The following IGFALS variants were observed in gnomAD, a reference collection of about 807,000 sequenced individuals.
IGFALS encodes the protein insulin-like growth factor-binding protein complex acid labile subunit.
Under a neutral mutation model 2.6 loss-of-function variants are expected in IGFALS, and 2 were observed. The observed-to-expected ratio is 0.77, with a 90% CI of 0.32 to 2.44. The LOEUF is 2.44. Ranked by LOEUF, IGFALS falls within the 30% of genes most tolerant of loss-of-function variation. IGFALS has a pLI of 0.11. For missense variants in IGFALS, 996 were observed against 848.7 expected (o/e 1.17, Z -2.16); for synonymous variants, 519 against 431.9 (o/e 1.20, Z -2.50).
chr16:1,794,214 C>T (rs1018194343), upstream of IGFALS, among the ~76,000 whole-genome samples: 1 of 152,126 alleles, frequency 6.6e-6, no homozygotes, highest in Non-Finnish European at 1.5e-5. Flanking sequence ...TGGGAGCTGC[C>T]GTTTGGGCTT....
intron 1 of IGFALS, chr16:1,792,656 A>C: frequency 2.0e-6 from 1 of 507,856 alleles, no homozygotes; most frequent in Non-Finnish European, 3.1e-6. Flanking sequence ...AGCTGTGCGC[A>C]GGCCACGTGG....
intron 1 of IGFALS, among the ~76,000 whole-genome samples, chr16:1,793,234 G>C (rs746249825): frequency 1.3e-5 from 2 of 152,194 alleles, no homozygotes; most frequent in Non-Finnish European, 2.9e-5. Flanking sequence ...CTCAGGCTTG[G>C]GGGTGGCCGA....
chr16:1,791,520 T>A lies in IGFALS; in HGVS notation c.898A>T (p.Asn300Tyr). ...CGGGGCCGCAGGCTGGCGATGGCGT[T>A]GTGGGACAGCCGCAGCACACGCAGG... The part of the protein sequence containing the change: ...LGLRVLRLSH[N>Y]AIASLRPRTF... Residue 300 changes from asparagine (N) to tyrosine (Y), a missense_variant, in exon 2 of 2, where the codon AAC becomes TAC. By Grantham distance (143) the Asn-to-Tyr change is moderately radical. Coordinates refer to ENST00000215539, the MANE Select transcript of IGFALS (RefSeq NM_004970.3). 3 of 1,600,680 alleles carry A rather than the reference T, an allele frequency of 1.9e-6. No individual in the cohort carries two copies. Among genetic ancestry groups the A allele is most frequent in the Non-Finnish European group, 2.6e-6 (3 of 1,174,702 alleles).
rs768473949 is a variant in IGFALS, at chr16:1,791,868, C to T, written c.550G>A (p.Val184Met). The T allele has an allele frequency of 8.3e-6, 13 of 1,559,158 alleles. No homozygotes were observed. Among genetic ancestry groups the T allele is most frequent in the Non-Finnish European group, 8.7e-6 (10 of 1,153,064 alleles). ...CCGCGGAACGCCGCATCGGGGAGCA[C>T]CGCCAGGCTATTCCAGCCGAGGTTG... ...DLNLGWNSLA[V>M]LPDAAFRGLG... is the part of the protein sequence containing the mutation. The change falls in exon 2 of 2, where the codon GTG (valine) becomes ATG (methionine). Residue 184 changes from valine (V) to methionine (M), a missense_variant. Coordinates refer to ENST00000215539, the MANE Select transcript of IGFALS (RefSeq NM_004970.3).
At position 1,791,061 on chromosome 16, in the gene IGFALS, G is replaced by C. The variant is rs149707428; in HGVS notation, c.1357C>G (p.Leu453Val). The change falls in exon 2 of 2, where the codon CTC becomes GTC. Residue 453 changes from leucine to valine, a missense_variant. Coordinates refer to ENST00000215539, the MANE Select transcript of IGFALS (RefSeq NM_004970.3). ...SNQLTHLPHR[L>V]FQGLGKLEYL... ...TCCAGCTTGCCCAGGCCCTGGAAGA[G>C]GCGGTGGGGCAGGTGCGTGAGCTGG... 1.3e-3 allele frequency: 2,073 copies of C among 1,598,488 alleles called. 1 individual carries two copies. The highest frequency in any genetic ancestry group is 1.7e-3 in the Non-Finnish European group (1,950 of 1,179,694).
chr16:1,793,552 G>C lies in IGFALS; in HGVS notation c.16+85C>G, dbSNP rs1197653151. The C allele has an allele frequency of 2.2e-6, 3 of 1,370,420 alleles. 1 individual carries two copies. The highest frequency in any genetic ancestry group is 4.1e-5 in the Admixed American group (2 of 49,308). The allele number at this position is 1,370,420 out of a possible 1,614,324, so 84.9% of individuals were successfully genotyped here. A position where few individuals can be genotyped will look rare whatever the true frequency, so the allele number is the denominator to read the frequency against. On this transcript the variant is annotated intron_variant, in intron 1 of 1. Transcript: ENST00000215539. ...GCTGAGCCCCCCAGAGCTTCCTTGG[G>C]GGCTACCCCGGCCTCTCCCCAGCGG...
In IGFALS at chr16:1,792,183, G is replaced by C. The variant is rs556287164; in HGVS notation, c.235C>G (p.Leu79Val). ...PDGVPGGTQA[L>V]WLDGNNLSSV... is the part of the protein sequence containing the mutation. ...GAGAGGTTGTTGCCGTCCAGCCACA[G>C]GGCTTGGGTGCCGCCCGGGACTCCA... The change falls in exon 2 of 2, where the codon CTG (leucine) becomes GTG (valine). Residue 79 changes from leucine (L) to valine (V), a missense_variant. Physicochemically the swap from Leu to Val is conservative, Grantham distance 32. Transcript: ENST00000215539. The C allele has an allele frequency of 6.2e-7, 1 of 1,610,988 alleles. No homozygotes were observed. The highest frequency in any genetic ancestry group is 1.3e-5 in the African/African-American group (1 of 74,926).
At chr16:1,793,801 C>T (rs1368067901), upstream of IGFALS, 2 of 713,688 alleles carry the variant, frequency 2.8e-6, no homozygotes, top group South Asian at 2.0e-5. Context: ...TCTGTTAACC[C>T]CCTCGTGCCG....
upstream of IGFALS, among the ~76,000 whole-genome samples, chr16:1,794,380 G>A (rs1897291186): frequency 6.6e-6 from 1 of 152,194 alleles, no homozygotes; most frequent in African/African-American, 2.4e-5. Flanking sequence ...CCATCCTCGG[G>A]GAGTGTGTGG....
Position 1,791,249 on chromosome 16 carries a change from C to T in IGFALS, c.1169G>A (p.Ser390Asn). 1 of 1,608,740 alleles carries T rather than the reference C, an allele frequency of 6.2e-7. No homozygotes were observed. Among genetic ancestry groups the T allele is most frequent in the Non-Finnish European group, 8.5e-7 (1 of 1,179,840 alleles). ...QVFRGLGKLH[S>N]LHLEGSCLGR... ...CAGGCAGCTGCCCTCCAGGTGCAGG[C>T]TGTGCAGCTTGCCCAGGCCCCGGAA... Residue 390 changes from serine to asparagine, a missense_variant, in exon 2 of 2, where the codon AGC becomes AAC. Ser to Asn is a conservative substitution (Grantham distance 46, BLOSUM62 1). Transcript: ENST00000215539.
Position 1,791,634 on chromosome 16 carries a change from A to G in IGFALS, c.784T>C (p.Phe262Leu). The change falls in exon 2 of 2, where the codon TTC (phenylalanine) becomes CTC (leucine). Residue 262 changes from phenylalanine (F) to leucine (L), a missense_variant. Physicochemically the swap from Phe to Leu is conservative, Grantham distance 22. Coordinates refer to ENST00000215539, the MANE Select transcript of IGFALS (RefSeq NM_004970.3). ...CATCGCAGCGCCTTCAGGCCCAGGA[A>G]GGCGCCCGGGGCCACGGCAGCGATG... is the stretch of plus-strand genomic sequence containing the variant. Reference protein sequence around the residue: ...NLIAAVAPGAFLGLKALRWLD... With the variant: ...NLIAAVAPGALLGLKALRWLD... 6.3e-7 allele frequency: 1 copy of G among 1,576,370 alleles called. No individual in the cohort carries two copies. Among genetic ancestry groups the G allele is most frequent in the Non-Finnish European group, 8.6e-7 (1 of 1,163,322 alleles).
upstream of IGFALS, among the ~76,000 whole-genome samples, chr16:1,794,378 G>A (rs539098455): frequency 1.8e-4 from 27 of 152,280 alleles, no homozygotes; most frequent in African/African-American, 5.3e-4. Context: ...CGCCATCCTC[G>A]GGGAGTGTGT....
In IGFALS at chr16:1,790,823, C is replaced by T. The variant is rs755932415; in HGVS notation, c.1595G>A (p.Trp532Ter). Residue 532 changes from tryptophan to a stop codon, truncating the protein, a stop_gained, in exon 2 of 2, where the codon TGG becomes TAG. Transcript: ENST00000215539. LOFTEE classifies it low-confidence loss of function (END_TRUNC). Reference sequence around the variant, plus strand: ...ACAGTCCCAGGGGTTACCCTCCAGCCACAGGCGCTCCAGGCCCGGGGGCTG... The same window carrying T: ...ACAGTCCCAGGGGTTACCCTCCAGCTACAGGCGCTCCAGGCCCGGGGGCTG... ...TPQPPGLERL[W>*]LEGNPWDCGC... 1.9e-6 allele frequency: 3 copies of T among 1,569,230 alleles called. No homozygotes were observed. The Admixed American group carries it at 5.7e-5, about 30-fold the overall frequency.
In IGFALS at chr16:1,791,703, C is replaced by A. The variant is rs754359896; in HGVS notation, c.715G>T (p.Val239Leu). ...ALRAIKANVF[V>L]QLPRLQKLYL... ...AGTTTCTGGAGCCGGGGCAGCTGCA[C>A]GAACACGTTTGCCTTGATGGCCCGC... Residue 239 changes from valine (V) to leucine (L), a missense_variant, in exon 2 of 2, where the codon GTG becomes TTG. Val to Leu is a conservative substitution (Grantham distance 32). Transcript: ENST00000215539. The A allele has an allele frequency of 1.9e-6, 3 of 1,572,152 alleles. No homozygotes were observed. The highest frequency in any genetic ancestry group is 2.6e-6 in the Non-Finnish European group (3 of 1,163,496).
chr16:1,791,789 T>A lies in IGFALS; in HGVS notation c.629A>T (p.Gln210Leu). The A allele has an allele frequency of 1.3e-6, 2 of 1,548,940 alleles. No individual in the cohort carries two copies. The highest frequency in any genetic ancestry group is 8.7e-7 in the Non-Finnish European group (1 of 1,150,188). ...GGCCAGGCCGCTGAAGAGCGCGGGC[T>A]GCAGGTAGGCCAGCCTGTTGCCCGC... ...VLAGNRLAYL[Q>L]PALFSGLAEL... Residue 210 changes from glutamine (Q) to leucine (L), a missense_variant, in exon 2 of 2, where the codon CAG (glutamine) becomes CTG (leucine). Coordinates refer to ENST00000215539, the MANE Select transcript of IGFALS (RefSeq NM_004970.3).
upstream of IGFALS, chr16:1,793,753 G>T: frequency 8.0e-7 from 1 of 1,251,218 alleles, no homozygotes; most frequent in Non-Finnish European, 1.1e-6. Flanking sequence ...GGCAGCCCGC[G>T]CCTGTCACCT....
At chr16:1,793,746 A>G (rs1897282220), upstream of IGFALS, 2 of 1,317,280 alleles carry the variant, frequency 1.5e-6, no homozygotes, top group African/African-American at 3.0e-5. Flanking sequence ...ACTGCGGGGC[A>G]GCCCGCGCCT....
intron 1 of IGFALS, 123 bp from the exon 2 acceptor site, chr16:1,792,524 CGAA>C: frequency 7.0e-7 from 1 of 1,430,024 alleles, no homozygotes; most frequent in Non-Finnish European, 9.1e-7. Context: ...CGCTGAGATG[CGAA>C]GAAGCCGGTG....
At position 1,791,328 on chromosome 16, in the gene IGFALS, CGTTGGT is replaced by C; in HGVS notation, c.1084_1089del (p.Thr362_Asn363del). On this transcript the variant is annotated inframe_deletion, in exon 2 of 2. Transcript: ENST00000215539. ...TTCCCAGAGAGGTTCATGACCGCCA[CGTTGGT>C]GAGGCCGAGGAAAGCGCCCGCCTTG... 6.2e-7 allele frequency: 1 copy of C among 1,608,514 alleles called. No individual in the cohort carries two copies.
Sources: gnomAD v4.1 joint callset for allele counts (sites outside exome capture counted in the v4.1 genomes callset) on GRCh38, gnomAD v4.1.1 for gene constraint, MANE v1.5 for transcripts, NCBI Gene and HGNC (gene_info 2026-07-23, HGNC 2026-07-21) for gene names.